EGFR: variants seen among roughly 807,000 people sequenced by gnomAD.
EGFR encodes avian erythroblastic leukemia viral (v-erb-b) oncogene homolog.
Under a neutral mutation model 143.0 loss-of-function variants are expected in EGFR, and 58 were observed. That is an observed-to-expected ratio of 0.41 (90% CI 0.33 to 0.50). The LOEUF (loss-of-function observed/expected upper bound fraction) is 0.50. EGFR is among the 20% of genes least tolerant of loss of function. The pLI, the probability that EGFR is intolerant of heterozygous loss-of-function variation, is 0.39. For synonymous variants in EGFR, 613 were observed against 594.4 expected (o/e 1.03, Z -0.45); for missense variants, 1,307 against 1,579.0 (o/e 0.83, Z 2.92).
intron 1 of EGFR, among the ~76,000 whole-genome samples, chr7:55,122,991 T>G (rs1793300634): frequency 6.6e-6 from 1 of 152,270 alleles, no homozygotes; most frequent in Non-Finnish European, 1.5e-5. Context: ...CAGTGCAACC[T>G]TCAATGCAAA....
At chr7:55,054,153 C>T (rs1250733743) in intron 1 of EGFR, among the ~76,000 whole-genome samples, 1 of 152,202 alleles carries the variant, frequency 6.6e-6, no homozygotes, top group Non-Finnish European at 1.5e-5. Flanking sequence ...GCTCCCCACC[C>T]GCCTTCTTTC....
chr7:55,100,122 G>A (rs572492297), intron 1 of EGFR, among the ~76,000 whole-genome samples: 2 of 152,294 alleles, frequency 1.3e-5, no homozygotes, highest in Admixed American at 6.5e-5. Context: ...GCTCCTCAGC[G>A]GAGACTGTGG....
chr7:55,093,823 C>T (rs546456852), intron 1 of EGFR, among the ~76,000 whole-genome samples: 5 of 152,152 alleles, frequency 3.3e-5, no homozygotes, highest in African/African-American at 1.2e-4. Flanking sequence ...TTCTCTCGGG[C>T]AGTGTGGCTG....
intron 20 of EGFR, among the ~76,000 whole-genome samples, chr7:55,188,668 C>T (rs1787251898): frequency 6.6e-6 from 1 of 152,152 alleles, no homozygotes; most frequent in Non-Finnish European, 1.5e-5. Flanking sequence ...ACCCTGGGAG[C>T]TCACAGGCCG....
intron 1 of EGFR, among the ~76,000 whole-genome samples, chr7:55,037,309 G>A (rs1309127963): frequency 6.6e-6 from 1 of 152,176 alleles, no homozygotes; most frequent in African/African-American, 2.4e-5. Flanking sequence ...AGAAAACGTA[G>A]CCTCTGACCC....
intron 1 of EGFR, among the ~76,000 whole-genome samples, chr7:55,097,492 G>A (rs1791549774): frequency 6.6e-6 from 1 of 152,204 alleles, no homozygotes; most frequent in South Asian, 2.1e-4. Context: ...CAGATCTATT[G>A]TAAAGCCAAT....
rs1584267369 is a variant in EGFR at position 55,198,740 on chromosome 7, A to T, written c.2725A>T (p.Thr909Ser). ...AGGGGTGACTGTTTGGGAGTTGATG[A>T]CCTTTGGATCCAAGCCATATGACGG... ...SYGVTVWELM[T>S]FGSKPYDGIP... Residue 909 changes from threonine to serine, a missense_variant, in exon 23 of 28, where the codon ACC becomes TCC. Coordinates refer to ENST00000275493, the MANE Select transcript of EGFR (RefSeq NM_005228.5). 6.2e-7 allele frequency: 1 copy of T among 1,614,126 alleles called. No homozygotes were observed. The highest frequency in any genetic ancestry group is 8.5e-7 in the Non-Finnish European group (1 of 1,180,022).
chr7:55,201,549 C>T (rs1787849696), intron 25 of EGFR, among the ~76,000 whole-genome samples, 186 bp from the exon 26 acceptor site: 1 of 152,128 alleles, frequency 6.6e-6, no homozygotes, highest in Non-Finnish European at 1.5e-5. Flanking sequence ...GATTGTAAGC[C>T]TTTTAGGTCC....
chr7:55,097,585 A>G (rs1479306412), intron 1 of EGFR, among the ~76,000 whole-genome samples: 1 of 152,238 alleles, frequency 6.6e-6, no homozygotes, highest in East Asian at 1.9e-4. Flanking sequence ...AATTTGCATA[A>G]GGAAAACATT....
At chr7:55,192,697 G>A (rs768388573) in intron 21 of EGFR, 69 bp from the exon 22 acceptor site, 51 of 1,428,544 alleles carry the variant, frequency 3.6e-5, no homozygotes, top group Non-Finnish European at 4.8e-5. Flanking sequence ...TAGGTCCAGA[G>A]TGAGTTAACT....
intron 1 of EGFR, among the ~76,000 whole-genome samples, chr7:55,032,773 C>A (rs1787328618): frequency 1.3e-5 from 2 of 151,984 alleles, no homozygotes; most frequent in Non-Finnish European, 2.9e-5. Flanking sequence ...TTTTTTCTGG[C>A]CATAAGATAG....
chr7:55,068,424 G>A (rs566529719), intron 1 of EGFR, among the ~76,000 whole-genome samples: 8 of 152,248 alleles, frequency 5.3e-5, no homozygotes, highest in Middle Eastern at 6.8e-3. Flanking sequence ...AGTTTTCCTT[G>A]ACTATGGTTA....
chr7:55,098,104 C>T (rs1289682028), intron 1 of EGFR, among the ~76,000 whole-genome samples: 1 of 152,192 alleles, frequency 6.6e-6, no homozygotes, highest in African/African-American at 2.4e-5. Flanking sequence ...AGTTGCTTTG[C>T]CTGACAGTGT....
intron 1 of EGFR, among the ~76,000 whole-genome samples, chr7:55,077,298 T>G (rs1268483510): frequency 2.0e-5 from 3 of 152,082 alleles, no homozygotes; most frequent in African/African-American, 7.2e-5. Flanking sequence ...CACAGAAAAA[T>G]TCCTTGATAA....
chr7:55,108,282 C>T (rs939912019), intron 1 of EGFR, among the ~76,000 whole-genome samples: 3 of 152,238 alleles, frequency 2.0e-5, no homozygotes, highest in African/African-American at 2.4e-5. Context: ...GAACTTATAA[C>T]TCATGTTCGG....
intron 1 of EGFR, among the ~76,000 whole-genome samples, chr7:55,082,415 T>A (rs1412424260): frequency 6.6e-6 from 1 of 152,158 alleles, no homozygotes; most frequent in Non-Finnish European, 1.5e-5. Flanking sequence ...CTCCTACCTG[T>A]GACTTTATAG....
rs1324007555 is a variant in EGFR at position 55,027,989 on chromosome 7, AAAATATAT to A, written c.88+8626_88+8633del. Among the ~76,000 whole-genome samples, 176 of 74,016 alleles carry A rather than the reference AAAATATAT, an allele frequency of 2.4e-3. 1 individual carries two copies. The highest frequency in any genetic ancestry group is 0.013 in the Middle Eastern group (2 of 160). 48.6% of individuals were successfully genotyped at this position (74,016 alleles called of 152,430 possible). A position where few individuals can be genotyped will look rare whatever the true frequency, so the allele number is the denominator to read the frequency against. ...ATGCCTTTATGTAAAAAAAAAAAAA[AAAATATAT>A]ATATATATATATATATATATATATA... On this transcript the variant is annotated intron_variant, in intron 1 of 27. Transcript: ENST00000275493.
intron 21 of EGFR, 65 bp from the exon 22 acceptor site, chr7:55,192,701 G>A: frequency 2.0e-6 from 3 of 1,472,738 alleles, no homozygotes; most frequent in Admixed American, 1.7e-5. Context: ...TCCAGAGTGA[G>A]TTAACTTTTT....
intron 1 of EGFR, among the ~76,000 whole-genome samples, chr7:55,108,320 G>A (rs145172617): frequency 4.6e-5 from 7 of 152,360 alleles, no homozygotes; most frequent in Non-Finnish European, 8.8e-5. Context: ...CACAGGGGCC[G>A]TATCACTCCG....
Sources: allele counts gnomAD v4.1 joint callset (sites outside exome capture counted in the v4.1 genomes callset), GRCh38; gene constraint gnomAD v4.1.1; transcripts MANE v1.5; gene names NCBI Gene and HGNC (gene_info 2026-07-23, HGNC 2026-07-21).